LRGUK: variants seen among roughly 807,000 people sequenced by gnomAD.
LRGUK encodes leucine-rich repeat and guanylate kinase domain-containing protein.
Under a neutral mutation model 76.0 loss-of-function variants are expected in LRGUK, and 65 were observed. The ratio of observed to expected loss-of-function variants is 0.85; its 90% CI spans 0.70 to 1.05. The LOEUF is 1.05. LRGUK is among the 50% of genes least tolerant of loss of function. The pLI is 0.00. For missense variants in LRGUK, 758 were observed against 732.8 expected (o/e 1.03, Z -0.40); for synonymous variants, 268 against 265.6 (o/e 1.01, Z -0.09).
At chr7:134,149,192 T>G (rs1563145199) in intron 5 of LRGUK, among the ~76,000 whole-genome samples, 1 of 151,954 alleles carries the variant, frequency 6.6e-6, no homozygotes, top group South Asian at 2.1e-4. Context: ...GAGCACCTCC[T>G]TTAAAGACAG....
chr7:134,161,788 T>G (rs987670070), intron 6 of LRGUK, among the ~76,000 whole-genome samples: 2 of 151,316 alleles, frequency 1.3e-5, no homozygotes, highest in Non-Finnish European at 2.9e-5. Context: ...CCTCCCGGAT[T>G]CACGCCATTC....
intron 16 of LRGUK, among the ~76,000 whole-genome samples, chr7:134,234,520 G>T (rs2117180561): frequency 6.6e-6 from 1 of 152,240 alleles, no homozygotes; most frequent in Non-Finnish European, 1.5e-5. Flanking sequence ...GCAGGGAATA[G>T]ATTATATAAT....
intron 16 of LRGUK, among the ~76,000 whole-genome samples, chr7:134,233,303 G>A (rs1214918413): frequency 6.6e-6 from 1 of 152,158 alleles, no homozygotes; most frequent in East Asian, 1.9e-4. Context: ...TCTAGAAGAA[G>A]CTTGACTTCC....
exon 15 of LRGUK, chr7:134,201,515 G>A (rs1245780199): frequency 6.2e-7 from 1 of 1,613,938 alleles, no homozygotes; most frequent in Non-Finnish European, 8.5e-7. Flanking sequence ...AACTGAGTCA[G>A]CTCATTAGAG....
intron 18 of LRGUK, among the ~76,000 whole-genome samples, chr7:134,252,217 C>T (rs1234441005): frequency 1.3e-5 from 2 of 151,476 alleles, no homozygotes; most frequent in South Asian, 2.1e-4. Context: ...GTGTGCCTGT[C>T]GTCTCAGCTA....
intron 14 of LRGUK, among the ~76,000 whole-genome samples, chr7:134,199,982 T>TTATATATA (rs71172442): frequency 4.0e-3 from 153 of 38,398 alleles, no homozygotes; most frequent in Non-Finnish European, 5.4e-3. Context: ...CTAGAAACTT[T>TTATATATA]TATATATATA....
At chr7:134,223,392 A>G (rs986516497) in intron 16 of LRGUK, among the ~76,000 whole-genome samples, 4 of 152,220 alleles carry the variant, frequency 2.6e-5, no homozygotes, top group Non-Finnish European at 4.4e-5. Context: ...GGCAGAAGGC[A>G]CGACCTGTGG....
At chr7:134,167,156 C>T (rs1479650169) in intron 7 of LRGUK, among the ~76,000 whole-genome samples, 1 of 152,178 alleles carries the variant, frequency 6.6e-6, no homozygotes, top group Non-Finnish European at 1.5e-5. Flanking sequence ...GGAGGGAGGA[C>T]CCCTTGGAGG....
intron 5 of LRGUK, among the ~76,000 whole-genome samples, chr7:134,156,281 T>C (rs199760176): frequency 8.7e-6 from 1 of 115,236 alleles, no homozygotes; most frequent in African/African-American, 3.5e-5. Flanking sequence ...TATTAGGTTG[T>C]TTTTTTTTCT....
chr7:134,221,671 A>G, intron 15 of LRGUK, 108 bp from the exon 16 acceptor site: 2 of 730,736 alleles, frequency 2.7e-6, no homozygotes, highest in East Asian at 3.2e-5. Flanking sequence ...GCACATTTTA[A>G]GTATCCAGCT....
intron 6 of LRGUK, among the ~76,000 whole-genome samples, chr7:134,161,756 T>C (rs1393162467): frequency 1.3e-5 from 2 of 148,504 alleles, no homozygotes; most frequent in African/African-American, 2.5e-5. Flanking sequence ...AGTGGCACGA[T>C]CTGGGCTCAC....
the LRGUK span, among the ~76,000 whole-genome samples, chr7:134,274,523 A>T: frequency 6.6e-6 from 1 of 152,156 alleles, no homozygotes; most frequent in Admixed American, 6.5e-5. Context: ...ACCTAGATAC[A>T]TCCTCTTATT....
At chr7:134,230,735 C>T (rs1015230545) in intron 16 of LRGUK, among the ~76,000 whole-genome samples, 28 of 152,260 alleles carry the variant, frequency 1.8e-4, no homozygotes, top group Non-Finnish European at 2.8e-4. Context: ...AAAGAATACG[C>T]GCTATACATG....
chr7:134,257,820 A>T (rs1339279669), intron 18 of LRGUK, among the ~76,000 whole-genome samples: 2 of 152,054 alleles, frequency 1.3e-5, no homozygotes, highest in African/African-American at 4.8e-5. Flanking sequence ...CAAAAAAAAA[A>T]AGGAAGCAAA....
chr7:134,177,405 T>C (rs1376834693), intron 9 of LRGUK, among the ~76,000 whole-genome samples: 1 of 152,224 alleles, frequency 6.6e-6, no homozygotes, highest in East Asian at 1.9e-4. Flanking sequence ...TATGATTCTA[T>C]CTGTGTTACC....
downstream of LRGUK, among the ~76,000 whole-genome samples, chr7:134,268,631 A>G (rs564367726): frequency 1.5e-3 from 232 of 151,090 alleles, 1 homozygote; most frequent in African/African-American, 5.4e-3. Flanking sequence ...AACTCATTTT[A>G]TGAGGCCAAT....
rs183257403 is a variant in LRGUK, at chr7:134,225,247, T to C, written c.1983+3329T>C. ...GAGAGAGGAGAGGATAAAAAGGCAGTGTGAGAGTGGAAGGGGCCACCCTGG... is the reference window on the plus strand; with the variant it reads ...GAGAGAGGAGAGGATAAAAAGGCAGCGTGAGAGTGGAAGGGGCCACCCTGG... On this transcript the variant is annotated intron_variant, in intron 16 of 19. Transcript: ENST00000285928. Among the ~76,000 whole-genome samples, 12 of 151,110 alleles carry C rather than the reference T, an allele frequency of 7.9e-5. No individual in the cohort carries two copies. The East Asian group carries it at 2.2e-3, about 27-fold the overall frequency.
At chr7:134,224,753 T>G (rs1585577800) in intron 16 of LRGUK, among the ~76,000 whole-genome samples, 1 of 152,010 alleles carries the variant, frequency 6.6e-6, no homozygotes, top group Non-Finnish European at 1.5e-5. Flanking sequence ...TGGGGCCTAA[T>G]TAAAGAGAGT....
intron 2 of LRGUK, among the ~76,000 whole-genome samples, chr7:134,137,427 C>T (rs189875735): frequency 1.4e-4 from 22 of 152,208 alleles, no homozygotes; most frequent in African/African-American, 4.3e-4. Context: ...GAATTTGATT[C>T]TGTAAAACCA....
Sources: gnomAD v4.1 joint callset for allele counts (sites outside exome capture counted in the v4.1 genomes callset) on GRCh38, gnomAD v4.1.1 for gene constraint, MANE v1.5 for transcripts, NCBI Gene and HGNC (gene_info 2026-07-23, HGNC 2026-07-21) for gene names.